Variants in STXBP5L observed in about 807,000 individuals in gnomAD.
The protein encoded by STXBP5L is syntaxin-binding protein 5-like.
In STXBP5L, 65 loss-of-function variants were observed where a neutral mutation model predicts 144.5. The observed-to-expected ratio is 0.45, with a 90% CI of 0.37 to 0.55. The LOEUF (loss-of-function observed/expected upper bound fraction) is 0.55. STXBP5L is among the 20% of genes least tolerant of loss of function. STXBP5L has a pLI of 0.00. For synonymous variants in STXBP5L, 505 were observed against 469.6 expected (o/e 1.08, Z -0.97); for missense variants, 1,298 against 1,405.5 (o/e 0.92, Z 1.22).
chr3:121,124,116 C>A (rs1245459556), intron 7 of STXBP5L, among the ~76,000 whole-genome samples: 2 of 151,792 alleles, frequency 1.3e-5, no homozygotes, highest in Non-Finnish European at 3.0e-5. Flanking sequence ...GATTTATACA[C>A]CTCACTCATA....
intron 9 of STXBP5L, among the ~76,000 whole-genome samples, chr3:121,167,746 GGGTGCAGCT>G (rs2046553848): frequency 6.6e-6 from 1 of 152,184 alleles, no homozygotes; most frequent in African/African-American, 2.4e-5. Context: ...GGGTGGCTGT[GGGTGCAGCT>G]TCAGCAGACA....
At chr3:121,082,867 G>A (rs1320846449) in intron 5 of STXBP5L, among the ~76,000 whole-genome samples, 4 of 152,172 alleles carry the variant, frequency 2.6e-5, no homozygotes, top group East Asian at 1.9e-4. Context: ...GTTTTTAAAT[G>A]TATGGCTGAA....
chr3:121,177,914 T>C (rs904037161), intron 9 of STXBP5L, among the ~76,000 whole-genome samples: 8 of 152,174 alleles, frequency 5.3e-5, no homozygotes, highest in African/African-American at 1.9e-4. Flanking sequence ...CAAAATGTGG[T>C]ATATACATCA....
chr3:121,007,219 A>T (rs912567748), intron 3 of STXBP5L, among the ~76,000 whole-genome samples: 1 of 152,130 alleles, frequency 6.6e-6, no homozygotes, highest in Admixed American at 6.6e-5. Flanking sequence ...AAGTTACTTT[A>T]CATTTCTGTG....
In STXBP5L at chr3:120,934,346, A is replaced by G. The variant is rs556816420; in HGVS notation, c.190-20594A>G. On this transcript the variant is annotated intron_variant, in intron 2 of 26. Transcript: ENST00000471454. ...TATTGACTTCTAGTTTAATTACACT[A>G]TGGTCTTAGAGCATACTTTGTTTGG... Among the ~76,000 whole-genome samples the G allele has an allele frequency of 6.6e-5, 10 of 152,002 alleles. No individual in the cohort carries two copies. In the South Asian group the frequency reaches 1.7e-3, roughly 25 times the overall value.
intron 9 of STXBP5L, among the ~76,000 whole-genome samples, chr3:121,190,247 G>T (rs372671294): frequency 5.3e-4 from 80 of 152,144 alleles, no homozygotes; most frequent in African/African-American, 1.9e-3. Flanking sequence ...GGATTAGGGA[G>T]TGGTGATGAC....
chr3:121,159,833 C>T (rs1418552272), intron 9 of STXBP5L, among the ~76,000 whole-genome samples: 2 of 151,754 alleles, frequency 1.3e-5, no homozygotes, highest in Admixed American at 6.6e-5. Context: ...GGGGTTTCAC[C>T]GTGTTAGCCA....
chr3:121,411,059 C>T (rs2047104477), intron 23 of STXBP5L, among the ~76,000 whole-genome samples: 1 of 152,052 alleles, frequency 6.6e-6, no homozygotes, highest in African/African-American at 2.4e-5. Context: ...TCTTAAGGAG[C>T]TTAGTTACCA....
chr3:120,961,273 TG>T (rs778299013), intron 3 of STXBP5L, among the ~76,000 whole-genome samples: 27 of 150,490 alleles, frequency 1.8e-4, no homozygotes, highest in South Asian at 1.0e-3. Flanking sequence ...TTTCTTTTTT[TG>T]TTTTTTTTTT....
At chr3:121,094,777 A>G (rs1459171076) in intron 5 of STXBP5L, among the ~76,000 whole-genome samples, 6 of 151,816 alleles carry the variant, frequency 4.0e-5, no homozygotes, top group African/African-American at 1.5e-4. Flanking sequence ...TTTACATTGA[A>G]AGTTAATATT....
intron 22 of STXBP5L, among the ~76,000 whole-genome samples, chr3:121,385,511 A>C (rs901568053): frequency 6.6e-6 from 1 of 152,166 alleles, no homozygotes; most frequent in Non-Finnish European, 1.5e-5. Flanking sequence ...ATTACATTTC[A>C]ACATGAGATT....
chr3:121,004,794 A>T (rs181893730), intron 3 of STXBP5L, among the ~76,000 whole-genome samples: 2 of 152,294 alleles, frequency 1.3e-5, no homozygotes, highest in Admixed American at 6.5e-5. Flanking sequence ...CCTTTTATGC[A>T]TCTATTGAGA....
In STXBP5L at chr3:121,007,125, C is replaced by G. The variant is rs959054733; in HGVS notation, c.288-34575C>G. ...TTGCTAGATTGGGGAAGTTCTCCAG[C>G]TTTTTAAAAGTTATTGAAATTATAC... On this transcript the variant is annotated intron_variant, in intron 3 of 26. Coordinates refer to ENST00000471454, the MANE Select transcript of STXBP5L (RefSeq NM_001308330.2). 4.6e-5 allele frequency among the ~76,000 whole-genome samples: 7 copies of G among 151,618 alleles called. 1 individual carries two copies. Among genetic ancestry groups the G allele is most frequent in the Non-Finnish European group, 8.8e-5 (6 of 67,804 alleles).
At chr3:121,006,261 G>A (rs1014607519) in intron 3 of STXBP5L, among the ~76,000 whole-genome samples, 2 of 152,146 alleles carry the variant, frequency 1.3e-5, no homozygotes, top group African/African-American at 4.8e-5. Context: ...ATATATTTAG[G>A]ATAGTTAGCT....
At position 121,383,087 on chromosome 3, in the gene STXBP5L, G is replaced by A. The variant is rs2046354555; in HGVS notation, c.2587+1555G>A. 2.0e-5 allele frequency among the ~76,000 whole-genome samples: 3 copies of A among 152,154 alleles called. No individual in the cohort carries two copies. The South Asian group carries it at 6.2e-4, about 32-fold the overall frequency. The stretch of plus-strand genomic sequence containing the variant: ...ACTTGAGGCCAGGAATCCAAGGCCA[G>A]CCTGGGCAACATAGTGAGACCCCAT... On this transcript the variant is annotated intron_variant, in intron 22 of 26. Coordinates refer to ENST00000471454, the MANE Select transcript of STXBP5L (RefSeq NM_001308330.2).
chr3:121,038,371 C>T (rs1946905187), intron 3 of STXBP5L, among the ~76,000 whole-genome samples: 1 of 151,652 alleles, frequency 6.6e-6, no homozygotes, highest in Admixed American at 6.6e-5. Flanking sequence ...TTTATCAATG[C>T]TTATTTAGTA....
rs556685876 is a variant in STXBP5L, at chr3:121,241,682, A to G, written c.1400+1175A>G. On this transcript the variant is annotated intron_variant, in intron 14 of 26. Coordinates refer to ENST00000471454, the MANE Select transcript of STXBP5L (RefSeq NM_001308330.2). ...ACTCCCTATCCCCTTCCCTGTGTCAACAGAAATAAATGAGGAAGGAAGAGA... is the reference window on the plus strand; with the variant it reads ...ACTCCCTATCCCCTTCCCTGTGTCAGCAGAAATAAATGAGGAAGGAAGAGA... Among the ~76,000 whole-genome samples, 4 of 152,294 alleles carry G rather than the reference A, an allele frequency of 2.6e-5. No individual in the cohort carries two copies. The South Asian group carries it at 8.3e-4, about 32-fold the overall frequency.
intron 10 of STXBP5L, 93 bp from the exon 11 acceptor site, chr3:121,222,910 A>G: frequency 7.2e-7 from 1 of 1,394,644 alleles, no homozygotes; most frequent in South Asian, 1.5e-5. Context: ...GTTATATGGT[A>G]TGCAACAAAA....
intron 3 of STXBP5L, among the ~76,000 whole-genome samples, chr3:121,001,770 T>A (rs1185500980): frequency 1.3e-5 from 2 of 152,222 alleles, no homozygotes; most frequent in East Asian, 3.9e-4. Flanking sequence ...GCATTCTCTG[T>A]CCATTCACTC....
Sources: gnomAD v4.1 joint callset for allele counts (sites outside exome capture counted in the v4.1 genomes callset) on GRCh38, gnomAD v4.1.1 for gene constraint, MANE v1.5 for transcripts, NCBI Gene and HGNC (gene_info 2026-07-23, HGNC 2026-07-21) for gene names.